The following FSAF1 variants were observed in gnomAD, a reference collection of about 807,000 sequenced individuals.
The protein encoded by FSAF1 is 40S small subunit processome assembly factor 1, also known as uncharacterized protein C1orf131.
chr1:231,230,688 C>A, the FSAF1 span, among the ~76,000 whole-genome samples: 1 of 152,300 alleles, frequency 6.6e-6, no homozygotes, highest in East Asian at 1.9e-4. Context: ...ATCCCCCACC[C>A]CAGCCCCCAC....
chr1:231,229,394 C>G, the FSAF1 span, among the ~76,000 whole-genome samples: 1 of 152,152 alleles, frequency 6.6e-6, no homozygotes, highest in Non-Finnish European at 1.5e-5. Context: ...AACCCATGCT[C>G]TATATTGGTG....
At chr1:231,239,307 A>G in the FSAF1 span, 1 of 782,486 alleles carries the variant, frequency 1.3e-6, no homozygotes, top group Non-Finnish European at 1.9e-6. Flanking sequence ...AAGCACACAC[A>G]AAGAAATAAA....
chr1:231,226,572 T>C, the FSAF1 span: 1 of 662,588 alleles, frequency 1.5e-6, no homozygotes, highest in Admixed American at 2.8e-5. Context: ...GCCAGATTAC[T>C]TGGCTGGTAT....
the FSAF1 span, among the ~76,000 whole-genome samples, chr1:231,227,692 C>T: frequency 1.2e-4 from 17 of 143,894 alleles, no homozygotes; most frequent in African/African-American, 4.4e-4. Flanking sequence ...GGGTTCATGC[C>T]ATTCGCCTGC....
At chr1:231,224,727 G>C in the FSAF1 span, 1 of 311,664 alleles carries the variant, frequency 3.2e-6, no homozygotes, top group Non-Finnish European at 5.9e-6. Context: ...TCTCCCTGTG[G>C]TTTTCCTTCA....
chr1:231,238,445 G>A, the FSAF1 span: 2 of 164,600 alleles, frequency 1.2e-5, no homozygotes, highest in Non-Finnish European at 2.7e-5. Flanking sequence ...GCAGGCCTGT[G>A]TTTACCAAAC....
At chr1:231,224,756 T>C in the FSAF1 span, 3 of 269,642 alleles carry the variant, frequency 1.1e-5, no homozygotes, top group African/African-American at 2.2e-5. Flanking sequence ...TCTTTCAGCC[T>C]CTCTACAATA....
At chr1:231,231,758 G>A in the FSAF1 span, among the ~76,000 whole-genome samples, 1 of 152,166 alleles carries the variant, frequency 6.6e-6, no homozygotes, top group African/African-American at 2.4e-5. Context: ...ACAAAAGAAA[G>A]GAGCAATGTC....
At chr1:231,238,804 T>A in the FSAF1 span, 1 of 1,489,676 alleles carries the variant, frequency 6.7e-7, no homozygotes. Flanking sequence ...ATTCACCTAA[T>A]ACTACAATAC....
chr1:231,224,539 C>A, the FSAF1 span: 28 of 906,028 alleles, frequency 3.1e-5, no homozygotes, highest in East Asian at 5.3e-5. Context: ...GCACACCCCC[C>A]ACCCCATACG....
chr1:231,226,441 C>G, the FSAF1 span: 1 of 454,542 alleles, frequency 2.2e-6, no homozygotes, highest in South Asian at 2.4e-5. Context: ...TCTGCAGAAC[C>G]ATGCTCCAAA....
chr1:231,228,905 C>T, the FSAF1 span, among the ~76,000 whole-genome samples: 1 of 152,196 alleles, frequency 6.6e-6, no homozygotes, highest in Non-Finnish European at 1.5e-5. Flanking sequence ...AGGAGAATCA[C>T]TTGAACCCAA....
chr1:231,228,985 G>C, the FSAF1 span, among the ~76,000 whole-genome samples: 1 of 152,174 alleles, frequency 6.6e-6, no homozygotes, highest in African/African-American at 2.4e-5. Context: ...GTGAAACTCT[G>C]TCTCAAAATA....
At chr1:231,232,794 G>A in the FSAF1 span, among the ~76,000 whole-genome samples, 1 of 152,116 alleles carries the variant, frequency 6.6e-6, no homozygotes. Context: ...CCGTCTATGG[G>A]GTGATTTAGG....
chr1:231,232,951 T>C, the FSAF1 span, among the ~76,000 whole-genome samples: 1 of 152,156 alleles, frequency 6.6e-6, no homozygotes, highest in South Asian at 2.1e-4. Context: ...TATTAAGAAG[T>C]TTGTTCACAC....
the FSAF1 span, chr1:231,239,004 A>G: frequency 6.2e-7 from 1 of 1,614,152 alleles, no homozygotes; most frequent in Non-Finnish European, 8.5e-7. Context: ...TCCCAGAAGG[A>G]GCACAATGCC....
the FSAF1 span, among the ~76,000 whole-genome samples, chr1:231,233,400 A>T: frequency 1.3e-5 from 2 of 152,222 alleles, no homozygotes; most frequent in African/African-American, 4.8e-5. Context: ...TTCCAGCTTT[A>T]AAATTCAGAA....
chr1:231,226,464 C>T, the FSAF1 span: 1 of 503,248 alleles, frequency 2.0e-6, no homozygotes, highest in Non-Finnish European at 3.6e-6. Context: ...AGCCTCCTTT[C>T]TTTATAAATT....
the FSAF1 span, chr1:231,224,762 C>T: frequency 6.9e-5 from 17 of 247,768 alleles, no homozygotes; most frequent in South Asian, 1.4e-3. Context: ...AGCCTCTCTA[C>T]AATACTTGCC....
Sources: gnomAD v4.1 joint callset for allele counts (sites outside exome capture counted in the v4.1 genomes callset) on GRCh38, gnomAD v4.1.1 for gene constraint, MANE v1.5 for transcripts, NCBI Gene and HGNC (gene_info 2026-07-23, HGNC 2026-07-21) for gene names.